Variants in UTS2B observed in about 807,000 individuals in gnomAD.
The protein encoded by UTS2B is urotensin-2B.
UTS2B carries 21 observed loss-of-function variants against 19.2 expected under a neutral mutation model. The observed-to-expected ratio is 1.09, with a 90% confidence interval of 0.78 to 1.58. UTS2B has a LOEUF of 1.58. Ranked by LOEUF, UTS2B falls within the 40% of genes most tolerant of loss-of-function variation. The pLI, the probability that UTS2B is intolerant of heterozygous loss-of-function variation, is 0.00. For missense variants in UTS2B, 138 were observed against 130.3 expected, an observed-to-expected ratio of 1.06 and a Z score of -0.29; for synonymous variants, 57 against 50.2, an observed-to-expected ratio of 1.14 and a Z score of -0.58.
chr3:191,304,991 C>T (rs994926045), intron 3 of UTS2B, among the ~76,000 whole-genome samples: 4 of 152,100 alleles, frequency 2.6e-5, no homozygotes, highest in African/African-American at 9.7e-5. Flanking sequence ...CATGTCCCTG[C>T]GAAGGACATG....
chr3:191,276,542 C>T (rs1716241463), intron 7 of UTS2B, among the ~76,000 whole-genome samples: 1 of 152,190 alleles, frequency 6.6e-6, no homozygotes, highest in South Asian at 2.1e-4. Flanking sequence ...CCCCAGGTTT[C>T]ACAGTTTGGT....
chr3:191,293,732 G>A (rs1041171741), intron 4 of UTS2B, among the ~76,000 whole-genome samples: 5 of 151,882 alleles, frequency 3.3e-5, no homozygotes, highest in Non-Finnish European at 7.3e-5. Flanking sequence ...ACATAAACAT[G>A]CTATAATGTG....
At chr3:191,324,509 C>T (rs1717693808) in intron 2 of UTS2B, among the ~76,000 whole-genome samples, 1 of 152,098 alleles carries the variant, frequency 6.6e-6, no homozygotes, top group African/African-American at 2.4e-5. Flanking sequence ...ATTCTCCTGA[C>T]AGTGAATAAG....
chr3:191,326,168 TTAC>T (rs1438132369), intron 2 of UTS2B, among the ~76,000 whole-genome samples: 1 of 152,224 alleles, frequency 6.6e-6, no homozygotes, highest in Non-Finnish European at 1.5e-5. Flanking sequence ...TTTTTTTAAC[TTAC>T]TTTTAATTTG....
chr3:191,317,930 G>C (rs906999354), intron 2 of UTS2B, among the ~76,000 whole-genome samples: 2 of 152,032 alleles, frequency 1.3e-5, no homozygotes, highest in African/African-American at 4.8e-5. Flanking sequence ...TTCCTTAAGA[G>C]CATGAAAACA....
At position 191,275,145 on chromosome 3, in the gene UTS2B, C is replaced by T. The variant is rs1458175971; in HGVS notation, c.334+107G>A. ...TTTTAATATGAGCCTTTATATTGGT[C>T]ACCACCATAAGATTAAGAAATGCCA... On this transcript the variant is annotated intron_variant, in intron 8 of 8. Transcript: ENST00000340524. 3 of 765,798 alleles carry T rather than the reference C, an allele frequency of 3.9e-6. No homozygotes were observed. In the East Asian group the frequency reaches 7.6e-5, roughly 19 times the overall value. The allele number at this position is 765,798 out of a possible 1,614,324, so 47.4% of individuals were successfully genotyped here. A position where few individuals can be genotyped will look rare whatever the true frequency, so the allele number is the denominator to read the frequency against.
chr3:191,280,045 G>A (rs1352751985), intron 5 of UTS2B, among the ~76,000 whole-genome samples: 1 of 152,084 alleles, frequency 6.6e-6, no homozygotes, highest in Non-Finnish European at 1.5e-5. Context: ...CAATACGAGA[G>A]AGTGTTTTTG....
the UTS2B span, among the ~76,000 whole-genome samples, chr3:191,336,929 A>T: frequency 6.6e-6 from 1 of 152,238 alleles, no homozygotes; most frequent in Non-Finnish European, 1.5e-5. Flanking sequence ...ATAGCAAGGT[A>T]GCTCAGGATG....
intron 4 of UTS2B, among the ~76,000 whole-genome samples, chr3:191,295,306 C>T (rs1716828538): frequency 6.6e-6 from 1 of 151,938 alleles, no homozygotes; most frequent in Non-Finnish European, 1.5e-5. Flanking sequence ...ATCCAATAAG[C>T]ACTTGTCTGT....
At chr3:191,271,048 C>T (rs1716078380) in intron 8 of UTS2B, among the ~76,000 whole-genome samples, 1 of 151,624 alleles carries the variant, frequency 6.6e-6, no homozygotes. Flanking sequence ...ACTAAAAATA[C>T]AAAAATTAGC....
chr3:191,270,518 C>G (rs184226414), intron 8 of UTS2B, among the ~76,000 whole-genome samples: 1 of 152,234 alleles, frequency 6.6e-6, no homozygotes, highest in East Asian at 1.9e-4. Flanking sequence ...GTTGTAATAT[C>G]TACTTTCTTA....
chr3:191,279,978 A>G (rs1159336845), intron 5 of UTS2B, among the ~76,000 whole-genome samples: 4 of 152,134 alleles, frequency 2.6e-5, no homozygotes, highest in African/African-American at 9.6e-5. Context: ...GAAATATTTG[A>G]ATATAAAATA....
the UTS2B span, among the ~76,000 whole-genome samples, chr3:191,345,812 C>T: frequency 6.6e-6 from 1 of 152,098 alleles, no homozygotes; most frequent in Non-Finnish European, 1.5e-5. Context: ...ATCAGTTTTA[C>T]TTTTCAGAAT....
At chr3:191,287,583 T>C (rs1348147453) in intron 4 of UTS2B, among the ~76,000 whole-genome samples, 1 of 151,876 alleles carries the variant, frequency 6.6e-6, no homozygotes, top group Non-Finnish European at 1.5e-5. Flanking sequence ...TCTCAACATA[T>C]TAAGTATGGA....
At chr3:191,291,770 G>A (rs1410301204) in intron 4 of UTS2B, among the ~76,000 whole-genome samples, 1 of 151,766 alleles carries the variant, frequency 6.6e-6, no homozygotes. Context: ...TTTAAGTAAA[G>A]TTTTATATAT....
At chr3:191,308,572 G>C (rs1717206023) in intron 3 of UTS2B, among the ~76,000 whole-genome samples, 1 of 152,144 alleles carries the variant, frequency 6.6e-6, no homozygotes, top group Non-Finnish European at 1.5e-5. Context: ...TTGCGAGGGG[G>C]TTGTCTTGTG....
At chr3:191,291,801 C>CTTTATTTA (rs138851677) in intron 4 of UTS2B, among the ~76,000 whole-genome samples, 37 of 151,334 alleles carry the variant, frequency 2.4e-4, no homozygotes, top group African/African-American at 7.8e-4. Context: ...TGGGTTTCAC[C>CTTTATTTA]TTTATTTATT....
At chr3:191,297,121 T>C (rs1023111630) in intron 4 of UTS2B, among the ~76,000 whole-genome samples, 11 of 152,208 alleles carry the variant, frequency 7.2e-5, no homozygotes, top group African/African-American at 2.7e-4. Context: ...CCTTTTCTCC[T>C]TGTGTGTGTC....
At chr3:191,329,638 G>A in intron 1 of UTS2B, 1 of 1,594,788 alleles carries the variant, frequency 6.3e-7, no homozygotes, top group Non-Finnish European at 8.5e-7. Flanking sequence ...TGACCGGGAA[G>A]CCCGCGTTAA....
Sources: gnomAD v4.1 joint callset for allele counts (sites outside exome capture counted in the v4.1 genomes callset) on GRCh38, gnomAD v4.1.1 for gene constraint, MANE v1.5 for transcripts, NCBI Gene and HGNC (gene_info 2026-07-23, HGNC 2026-07-21) for gene names.